The following NEK6 variants were observed in gnomAD, a reference collection of about 807,000 sequenced individuals.
NEK6 encodes serine/threonine-protein kinase Nek6.
A neutral mutation model predicts 43.5 loss-of-function variants in NEK6; 27 were observed. The ratio of observed to expected loss-of-function variants is 0.62; its 90% CI spans 0.46 to 0.86. The LOEUF is 0.86. Among genes scored for constraint, NEK6 ranks in the 40% least tolerant of loss-of-function variants. NEK6 has a pLI of 0.00. For missense variants in NEK6, 318 were observed against 414.4 expected, an observed-to-expected ratio of 0.77 and a Z score of 2.02; for synonymous variants, 167 against 164.1, an observed-to-expected ratio of 1.02 and a Z score of -0.14.
intron 1 of NEK6, among the ~76,000 whole-genome samples, chr9:124,273,118 T>C (rs1347231495): frequency 5.3e-5 from 8 of 152,134 alleles, no homozygotes; most frequent in Non-Finnish European, 1.2e-4. Context: ...TTGCGTTGAC[T>C]CCTTGCTCCA....
At chr9:124,293,228 C>T (rs577290682) in intron 1 of NEK6, among the ~76,000 whole-genome samples, 11 of 152,328 alleles carry the variant, frequency 7.2e-5, no homozygotes, top group African/African-American at 2.6e-4. Context: ...ATGAGCTCGA[C>T]AAGTCATTTA....
rs1028567166 is a variant in NEK6, at chr9:124,326,268, G to A, written c.406-62G>A. 76 of 1,129,000 alleles carry A rather than the reference G, an allele frequency of 6.7e-5. No homozygotes were observed. In the Middle Eastern group the frequency reaches 8.1e-4, roughly 12 times the overall value. 69.9% of individuals were successfully genotyped at this position (1,129,000 alleles called of 1,614,324 possible). ...GGAAAGGACAGAGGCAGTGCCCTGT[G>A]GCCACCCACCTCCAAGCCCGCTCAC... is the stretch of plus-strand genomic sequence containing the variant. On this transcript the variant is annotated intron_variant, in intron 5 of 9. Coordinates refer to ENST00000320246, the MANE Select transcript of NEK6 (RefSeq NM_014397.6). The surrounding 1 kb of genome is among the most constrained non-coding windows in gnomAD (Gnocchi z 4.5).
intron 7 of NEK6, among the ~76,000 whole-genome samples, chr9:124,331,274 C>A (rs12552211): frequency 0.61 from 81,047 of 133,626 alleles, 25,407 homozygotes; most frequent in East Asian, 0.77. Flanking sequence ...AAAAAAAAAA[C>A]AAAACATTTT....
At chr9:124,258,758 A>T (rs1830909755) in intron 1 of NEK6, among the ~76,000 whole-genome samples, 1 of 152,138 alleles carries the variant, frequency 6.6e-6, no homozygotes, top group Non-Finnish European at 1.5e-5. Context: ...AGGAGGGCAG[A>T]CTCAGAGCCT....
chr9:124,303,657 T>C (rs1220138269), intron 2 of NEK6, among the ~76,000 whole-genome samples: 3 of 152,182 alleles, frequency 2.0e-5, no homozygotes, highest in African/African-American at 4.8e-5. Context: ...ATCTATGCTA[T>C]TTGTACTCAT....
At chr9:124,296,707 A>G (rs1320066133) in intron 1 of NEK6, among the ~76,000 whole-genome samples, 1 of 152,222 alleles carries the variant, frequency 6.6e-6, no homozygotes, top group Non-Finnish European at 1.5e-5. Flanking sequence ...TGCTCCAAGC[A>G]GGGTCCTTGG....
At chr9:124,271,373 A>C (rs528572110) in intron 1 of NEK6, among the ~76,000 whole-genome samples, 356 of 152,366 alleles carry the variant, frequency 2.3e-3, no homozygotes, top group Admixed American at 3.5e-3. Flanking sequence ...TCCCAGCCCC[A>C]AAATGGGGAG....
intron 8 of NEK6, among the ~76,000 whole-genome samples, chr9:124,345,182 C>T (rs892050832): frequency 6.6e-6 from 1 of 152,170 alleles, no homozygotes; most frequent in Non-Finnish European, 1.5e-5. Flanking sequence ...GCCGTGGCCT[C>T]GGCAGTTCTA....
chr9:124,297,747 G>A (rs1226232737), intron 1 of NEK6, among the ~76,000 whole-genome samples: 1 of 152,250 alleles, frequency 6.6e-6, no homozygotes, highest in Non-Finnish European at 1.5e-5. Flanking sequence ...CAACTTGGCA[G>A]GAGCCGCGGG....
intron 1 of NEK6, chr9:124,292,704 C>G (rs1832482513): frequency 8.7e-7 from 1 of 1,152,654 alleles, no homozygotes; most frequent in Non-Finnish European, 1.2e-6. Flanking sequence ...ATGAGTTGGT[C>G]TCGGGGGGCC....
At chr9:124,316,978 G>C (rs1833846627) in intron 4 of NEK6, among the ~76,000 whole-genome samples, 1 of 152,208 alleles carries the variant, frequency 6.6e-6, no homozygotes, top group Admixed American at 6.5e-5. Context: ...GAGAGGTTGT[G>C]AGATTTCCTG....
At chr9:124,316,923 G>A (rs113167600) in intron 4 of NEK6, among the ~76,000 whole-genome samples, 3 of 152,352 alleles carry the variant, frequency 2.0e-5, no homozygotes, top group African/African-American at 7.2e-5. Context: ...ACTGTGTCAT[G>A]CCTGGACTGC....
chr9:124,264,014 C>T (rs1216804611), intron 1 of NEK6, among the ~76,000 whole-genome samples: 3 of 152,206 alleles, frequency 2.0e-5, no homozygotes, highest in Non-Finnish European at 4.4e-5. Flanking sequence ...CAGAGGACTG[C>T]GCTGACAGGA....
chr9:124,307,294 T>C (rs911036153), intron 2 of NEK6, among the ~76,000 whole-genome samples: 3 of 152,190 alleles, frequency 2.0e-5, no homozygotes, highest in Non-Finnish European at 4.4e-5. Flanking sequence ...TATAGTGGTC[T>C]GAGACATCCT....
chr9:124,268,876 T>C (rs1455737709), intron 1 of NEK6, among the ~76,000 whole-genome samples: 2 of 152,192 alleles, frequency 1.3e-5, no homozygotes, highest in Non-Finnish European at 2.9e-5. Context: ...GATCATATGT[T>C]ATAATAATCT....
chr9:124,345,733 T>C (rs1829888245), intron 8 of NEK6, among the ~76,000 whole-genome samples: 1 of 152,098 alleles, frequency 6.6e-6, no homozygotes, highest in East Asian at 1.9e-4. Flanking sequence ...TCCAGGAAAA[T>C]CCACCTTAAT....
At chr9:124,328,735 C>T (rs566124631) in intron 7 of NEK6, among the ~76,000 whole-genome samples, 27 of 152,310 alleles carry the variant, frequency 1.8e-4, no homozygotes, top group Admixed American at 1.1e-3. Context: ...ACTCTCAGCG[C>T]GTCACACACA....
intron 1 of NEK6, chr9:124,293,034 C>T: frequency 6.7e-7 from 1 of 1,494,530 alleles, no homozygotes; most frequent in Non-Finnish European, 9.0e-7. Context: ...GATCATTTCC[C>T]AGGCAGGCAG....
chr9:124,327,027 T>C (rs1373620219), intron 6 of NEK6, among the ~76,000 whole-genome samples: 1 of 152,190 alleles, frequency 6.6e-6, no homozygotes, highest in Non-Finnish European at 1.5e-5. Context: ...GGGCCTCCTG[T>C]GTGCGAGGCA....
Sources: gnomAD v4.1 joint callset for allele counts (sites outside exome capture counted in the v4.1 genomes callset) on GRCh38, gnomAD v4.1.1 for gene constraint, Gnocchi (gnomAD v3.1) non-coding constraint, MANE v1.5 for transcripts, NCBI Gene and HGNC (gene_info 2026-07-23, HGNC 2026-07-21) for gene names.